The following ST7 variants were observed in gnomAD, a reference collection of about 807,000 sequenced individuals.
ST7 encodes suppression of tumorigenicity 7.
ST7 carries 28 observed loss-of-function variants against 78.7 expected under a neutral mutation model. That is an observed-to-expected ratio of 0.36 (90% confidence interval 0.26 to 0.49). The LOEUF is 0.49. Ranked by LOEUF, ST7 falls within the 20% of genes least tolerant of loss-of-function variation. ST7 has a pLI of 0.99. For missense variants in ST7, 418 were observed against 696.0 expected (o/e 0.60, Z 4.49); for synonymous variants, 247 against 249.6 (o/e 0.99, Z 0.10).
At chr7:117,203,273 A>T (rs1480820322) in intron 12 of ST7, among the ~76,000 whole-genome samples, 1 of 152,222 alleles carries the variant, frequency 6.6e-6, no homozygotes, top group Non-Finnish European at 1.5e-5. Flanking sequence ...CCAACTGTGT[A>T]ACCCTGAACA....
intron 1 of ST7, among the ~76,000 whole-genome samples, chr7:117,070,845 T>C (rs2116507461): frequency 6.6e-6 from 1 of 151,994 alleles, no homozygotes; most frequent in African/African-American, 2.4e-5. Flanking sequence ...GCCCGGCCAA[T>C]GTGAGCATGT....
intron 12 of ST7, among the ~76,000 whole-genome samples, chr7:117,208,903 GT>G (rs879302183): frequency 0.17 from 1,511 of 9,156 alleles, 24 homozygotes; most frequent in South Asian, 0.38. Context: ...GTATGTGTGG[GT>G]GTGTGTGTGT....
intron 1 of ST7, among the ~76,000 whole-genome samples, chr7:117,057,439 G>A (rs1428000167): frequency 2.0e-5 from 3 of 152,066 alleles, no homozygotes; most frequent in South Asian, 2.1e-4. Context: ...TTGTTGATTC[G>A]TTGTGAATTT....
chr7:117,091,864 A>C (rs1800641612), intron 1 of ST7, among the ~76,000 whole-genome samples: 1 of 152,158 alleles, frequency 6.6e-6, no homozygotes, highest in Non-Finnish European at 1.5e-5. Context: ...GGTGTTGACC[A>C]GGCTGCTATC....
chr7:116,976,946 A>G (rs906564083), intron 1 of ST7, among the ~76,000 whole-genome samples: 2 of 152,192 alleles, frequency 1.3e-5, no homozygotes, highest in African/African-American at 2.4e-5. Context: ...TCAAAATACT[A>G]TCTATTCATT....
chr7:116,956,724 G>A, intron 1 of ST7: 1 of 457,036 alleles, frequency 2.2e-6, no homozygotes, highest in South Asian at 1.6e-5. Flanking sequence ...ATATTTTATG[G>A]TAAATGAGCT....
Position 117,134,340 on chromosome 7 carries a change from C to T in ST7, c.710+148C>T, listed in dbSNP as rs541522105. The T allele has an allele frequency of 6.1e-4, 738 of 1,213,588 alleles. 1 individual carries two copies. Among genetic ancestry groups the T allele is most frequent in the Admixed American group, 1.9e-3 (83 of 43,740 alleles). The allele number at this position is 1,213,588 out of a possible 1,614,324, so 75.2% of individuals were successfully genotyped here. ...AGGATGCATCATCTATATCTTCCAT[C>T]GAGCTGAGCAGTCTGTTCTGTACTC... On this transcript the variant is annotated intron_variant, in intron 7 of 15. Transcript: ENST00000323984.
intron 1 of ST7, among the ~76,000 whole-genome samples, chr7:117,078,129 C>T (rs1217950411): frequency 3.9e-5 from 6 of 152,114 alleles, no homozygotes; most frequent in African/African-American, 1.4e-4. Context: ...CAAATCTGAT[C>T]CCTAAATCTT....
intron 1 of ST7, among the ~76,000 whole-genome samples, chr7:117,035,670 G>A (rs145194538): frequency 5.9e-4 from 90 of 152,204 alleles, no homozygotes; most frequent in African/African-American, 2.1e-3. Flanking sequence ...CTGCCAGCAG[G>A]AGGACATTGG....
At chr7:116,956,835 GT>G (rs890825025) in intron 1 of ST7, 23 of 359,358 alleles carry the variant, frequency 6.4e-5, no homozygotes, top group African/African-American at 4.3e-4. Flanking sequence ...TAAATAAGGA[GT>G]TTACTACAAG....
At chr7:117,209,236 A>G (rs2116026007) in intron 12 of ST7, among the ~76,000 whole-genome samples, 1 of 152,070 alleles carries the variant, frequency 6.6e-6, no homozygotes, top group African/African-American at 2.4e-5. Context: ...TGGGGTCTAT[A>G]ATGCTCCCCT....
At chr7:116,954,714 T>A (rs1404834770) in intron 1 of ST7, 2 of 153,942 alleles carry the variant, frequency 1.3e-5, no homozygotes, top group African/African-American at 2.4e-5. Context: ...AAATTTTAAT[T>A]TCACAGTACT....
intron 3 of ST7, among the ~76,000 whole-genome samples, chr7:117,125,007 A>G (rs1478273797): frequency 2.6e-5 from 4 of 152,142 alleles, no homozygotes; most frequent in African/African-American, 4.8e-5. Context: ...GCAAAATGCT[A>G]CATGTCAAGG....
At chr7:117,050,737 T>C (rs1254487848) in intron 1 of ST7, among the ~76,000 whole-genome samples, 2 of 152,094 alleles carry the variant, frequency 1.3e-5, no homozygotes, top group Non-Finnish European at 2.9e-5. Flanking sequence ...TAGACCACCC[T>C]GGCCAACGTG....
At chr7:117,158,385 C>A (rs1298446577) in intron 9 of ST7, among the ~76,000 whole-genome samples, 1 of 152,172 alleles carries the variant, frequency 6.6e-6, no homozygotes, top group Non-Finnish European at 1.5e-5. Context: ...ACAGTTTTGA[C>A]AGGAAAAGTA....
At chr7:116,980,576 C>T (rs1359130158) in intron 1 of ST7, among the ~76,000 whole-genome samples, 1 of 152,186 alleles carries the variant, frequency 6.6e-6, no homozygotes, top group Non-Finnish European at 1.5e-5. Flanking sequence ...CTGAGCTCTT[C>T]CAGCTGCTGT....
chr7:117,224,671 C>T (rs537419159), intron 15 of ST7, among the ~76,000 whole-genome samples: 44 of 152,258 alleles, frequency 2.9e-4, no homozygotes, highest in African/African-American at 1.0e-3. Flanking sequence ...GATTCCCAGC[C>T]TCCAGTCTAT....
At chr7:117,175,554 G>A (rs1808285881) in intron 10 of ST7, among the ~76,000 whole-genome samples, 1 of 152,126 alleles carries the variant, frequency 6.6e-6, no homozygotes, top group Non-Finnish European at 1.5e-5. Context: ...CATGGGTGGT[G>A]GGGAAGAGGT....
At chr7:117,060,878 C>T (rs1442833747) in intron 1 of ST7, among the ~76,000 whole-genome samples, 8 of 152,086 alleles carry the variant, frequency 5.3e-5, no homozygotes, top group South Asian at 2.1e-4. Flanking sequence ...TGGTGGCGGG[C>T]GCCTGTAATC....
Sources: allele counts gnomAD v4.1 joint callset (sites outside exome capture counted in the v4.1 genomes callset), GRCh38; gene constraint gnomAD v4.1.1; transcripts MANE v1.5; gene names NCBI Gene and HGNC (gene_info 2026-07-23, HGNC 2026-07-21).